The following TNFSF4 variants were observed in gnomAD, a reference collection of about 807,000 sequenced individuals.
TNFSF4 encodes TNF superfamily member 4.
A neutral mutation model predicts 7.3 loss-of-function variants in TNFSF4; 4 were observed. That is an observed-to-expected ratio of 0.55 (90% CI 0.27 to 1.25). The LOEUF (loss-of-function observed/expected upper bound fraction) is 1.25, where lower values mean the gene tolerates loss of function less well. Among genes scored for constraint, TNFSF4 ranks in the 50% most tolerant of loss-of-function variants. TNFSF4 has a pLI of 0.12. For synonymous variants in TNFSF4, 76 were observed against 83.7 expected (o/e 0.91, Z 0.50); for missense variants, 181 against 208.8 (o/e 0.87, Z 0.82).
chr1:173,213,850 A>G, the TNFSF4 span, among the ~76,000 whole-genome samples: 1 of 152,236 alleles, frequency 6.6e-6, no homozygotes, highest in East Asian at 1.9e-4. Context: ...ATGTTTCTCA[A>G]CTAAGGGTAG....
rs1305845384 is a variant in TNFSF4, at chr1:173,206,298, T to C, written c.153+726A>G. Reference sequence around the variant, plus strand: ...TGAACTACTGAATAAGAAAAAATAATGCAAAAGAGAGAAGTGTGGAACAAG... The same window carrying C: ...TGAACTACTGAATAAGAAAAAATAACGCAAAAGAGAGAAGTGTGGAACAAG... On this transcript the variant is annotated intron_variant, in intron 1 of 2. Transcript: ENST00000281834. Among the ~76,000 whole-genome samples, 3 of 151,936 alleles carry C rather than the reference T, an allele frequency of 2.0e-5. No homozygotes were observed. The East Asian group carries it at 5.8e-4, about 29-fold the overall frequency.
At chr1:173,239,211 A>G in the TNFSF4 span, among the ~76,000 whole-genome samples, 1 of 152,180 alleles carries the variant, frequency 6.6e-6, no homozygotes, top group Admixed American at 6.5e-5. Context: ...TGCCCTCCAG[A>G]GCAGGAACAA....
chr1:173,393,459 A>G, the TNFSF4 span, among the ~76,000 whole-genome samples: 3 of 152,156 alleles, frequency 2.0e-5, no homozygotes, highest in Non-Finnish European at 4.4e-5. Context: ...CTTCCAGCCT[A>G]TGACCATCCC....
At chr1:173,434,316 T>C in the TNFSF4 span, among the ~76,000 whole-genome samples, 1 of 152,252 alleles carries the variant, frequency 6.6e-6, no homozygotes, top group Non-Finnish European at 1.5e-5. Context: ...AGGTGCTTTT[T>C]TGTCCCTATT....
chr1:173,298,138 G>A, the TNFSF4 span, among the ~76,000 whole-genome samples: 1 of 151,956 alleles, frequency 6.6e-6, no homozygotes, highest in East Asian at 1.9e-4. Flanking sequence ...CAAAAAGAGA[G>A]AGCAATAAAG....
At chr1:173,400,340 G>T in the TNFSF4 span, among the ~76,000 whole-genome samples, 1 of 152,226 alleles carries the variant, frequency 6.6e-6, no homozygotes, top group Non-Finnish European at 1.5e-5. Flanking sequence ...GCAAGGAATA[G>T]ATAGTGCTGT....
chr1:173,219,407 T>G, the TNFSF4 span, among the ~76,000 whole-genome samples: 11 of 152,218 alleles, frequency 7.2e-5, no homozygotes, highest in Non-Finnish European at 1.5e-4. Flanking sequence ...TCATCTGTTT[T>G]GTTGGCTTGA....
the TNFSF4 span, among the ~76,000 whole-genome samples, chr1:173,232,911 G>A: frequency 6.6e-6 from 1 of 152,144 alleles, no homozygotes; most frequent in East Asian, 1.9e-4. Flanking sequence ...GTTCATCAGG[G>A]ATATTGGTCT....
the TNFSF4 span, among the ~76,000 whole-genome samples, chr1:173,246,103 G>C: frequency 6.6e-6 from 1 of 152,142 alleles, no homozygotes; most frequent in Non-Finnish European, 1.5e-5. Flanking sequence ...TAGGGGAATT[G>C]CTGGATCTTA....
At chr1:173,446,306 A>G in the TNFSF4 span, among the ~76,000 whole-genome samples, 1 of 152,238 alleles carries the variant, frequency 6.6e-6, no homozygotes, top group Non-Finnish European at 1.5e-5. Flanking sequence ...CATATTTTTA[A>G]CATACAATCC....
chr1:173,200,427 C>T (rs1212268928), intron 1 of TNFSF4, among the ~76,000 whole-genome samples: 4 of 152,194 alleles, frequency 2.6e-5, no homozygotes, highest in Non-Finnish European at 5.9e-5. Context: ...TTCAACCTCC[C>T]TGCTACCCGT....
chr1:173,381,645 G>A, the TNFSF4 span, among the ~76,000 whole-genome samples: 1 of 152,176 alleles, frequency 6.6e-6, no homozygotes, highest in Non-Finnish European at 1.5e-5. Flanking sequence ...CCCTCTGGAG[G>A]ACACTACAAC....
chr1:173,332,540 AAATT>A, the TNFSF4 span, among the ~76,000 whole-genome samples: 6 of 151,414 alleles, frequency 4.0e-5, no homozygotes, highest in South Asian at 2.1e-4. Context: ...CAAAATAAAT[AAATT>A]AATTAATTAA....
chr1:173,233,535 A>C, the TNFSF4 span, among the ~76,000 whole-genome samples: 4,135 of 152,298 alleles, frequency 0.027, 176 homozygotes, highest in African/African-American at 0.094. Context: ...TGTCAGATTC[A>C]CCAAAGCTAA....
At chr1:173,230,920 C>G in the TNFSF4 span, among the ~76,000 whole-genome samples, 1 of 152,154 alleles carries the variant, frequency 6.6e-6, no homozygotes, top group African/African-American at 2.4e-5. Flanking sequence ...CTGAATGGAC[C>G]TATAACAGGC....
At chr1:173,425,240 G>C in the TNFSF4 span, among the ~76,000 whole-genome samples, 1 of 152,176 alleles carries the variant, frequency 6.6e-6, no homozygotes. Flanking sequence ...CTCAGGGAGT[G>C]GTTTGAAGGT....
chr1:173,423,915 G>A, the TNFSF4 span, among the ~76,000 whole-genome samples: 2 of 152,178 alleles, frequency 1.3e-5, no homozygotes, highest in South Asian at 2.1e-4. Context: ...GTGCCAGCAG[G>A]TTTGGTGGCT....
At chr1:173,329,275 A>G in the TNFSF4 span, among the ~76,000 whole-genome samples, 1 of 152,174 alleles carries the variant, frequency 6.6e-6, no homozygotes, top group African/African-American at 2.4e-5. Flanking sequence ...ACGTATGCAC[A>G]TCCTCTCATA....
At chr1:173,235,158 G>T in the TNFSF4 span, among the ~76,000 whole-genome samples, 1 of 152,118 alleles carries the variant, frequency 6.6e-6, no homozygotes, top group Non-Finnish European at 1.5e-5. Flanking sequence ...TCGAAAGACT[G>T]TTTCTCTTTT....
Sources: gnomAD v4.1 joint callset for allele counts (sites outside exome capture counted in the v4.1 genomes callset) on GRCh38, gnomAD v4.1.1 for gene constraint, MANE v1.5 for transcripts, NCBI Gene and HGNC (gene_info 2026-07-23, HGNC 2026-07-21) for gene names.